ENDOV: variants seen among roughly 807,000 people sequenced by gnomAD.
ENDOV encodes endonuclease V, also known as hEndoV.
ENDOV carries 37 observed loss-of-function variants against 39.4 expected under a neutral mutation model. The ratio of observed to expected loss-of-function variants is 0.94; its 90% CI spans 0.72 to 1.23. The LOEUF is 1.23. Ranked by LOEUF, ENDOV falls within the 50% of genes most tolerant of loss-of-function variation. ENDOV has a pLI of 0.00. For synonymous variants in ENDOV, 186 were observed against 163.4 expected (o/e 1.14, Z -1.05); for missense variants, 441 against 375.7 (o/e 1.17, Z -1.44).
In ENDOV at chr17:80,415,255, T is replaced by C. The variant is rs1310715931; in HGVS notation, c.56+5T>C. On this transcript the variant is annotated splice_donor_5th_base_variant and intron_variant, in intron 1 of 9. Transcript: ENST00000518137. ...AACGCTGTCACTGTGGAAACGGTAA[T>C]GCTGTCAGGCGACGCGCAGGAGGCG... 1.9e-6 allele frequency: 3 copies of C among 1,613,298 alleles called. No homozygotes were observed. The highest frequency in any genetic ancestry group is 1.1e-5 in the South Asian group (1 of 91,052).
intron 4 of ENDOV, among the ~76,000 whole-genome samples, chr17:80,422,640 G>C (rs1167715326): frequency 6.6e-6 from 1 of 152,242 alleles, no homozygotes; most frequent in African/African-American, 2.4e-5. Context: ...CAACTAGACA[G>C]GTGTACCCAG....
intron 9 of ENDOV, chr17:80,430,466 C>T: frequency 9.3e-7 from 1 of 1,080,294 alleles, no homozygotes; most frequent in Non-Finnish European, 1.3e-6. Context: ...GGTCCTCAGC[C>T]CCAGCCACAC....
In ENDOV at chr17:80,422,354, A is replaced by G. The variant is rs1163533747; in HGVS notation, c.403+109A>G. Reference sequence around the variant, plus strand: ...TGCTGGGCCCTCGGCCTCTGCCGCCAGCCCCCTCCAATGGCTTCTTTCTCG... The same window carrying G: ...TGCTGGGCCCTCGGCCTCTGCCGCCGGCCCCCTCCAATGGCTTCTTTCTCG... On this transcript the variant is annotated intron_variant, in intron 4 of 9. Coordinates refer to ENST00000518137, the MANE Select transcript of ENDOV (RefSeq NM_173627.5). 5.2e-6 allele frequency: 7 copies of G among 1,346,126 alleles called. No homozygotes were observed. The African/African-American group carries it at 7.2e-5, about 14-fold the overall frequency. 83.4% of individuals were successfully genotyped at this position (1,346,126 alleles called of 1,614,324 possible).
At chr17:80,423,498 CA>C in intron 4 of ENDOV, 21 bp from the exon 5 acceptor site, 5 of 1,541,352 alleles carry the variant, frequency 3.2e-6, no homozygotes, top group East Asian at 2.5e-5. Context: ...TCCCCAACCC[CA>C]CCCTCCTTTC....
chr17:80,436,067 C>T, intron 9 of ENDOV, 66 bp from the exon 10 acceptor site: 2 of 1,573,982 alleles, frequency 1.3e-6, no homozygotes, highest in Non-Finnish European at 1.7e-6. Context: ...TTTCCACTTC[C>T]TCCTTTCCAC....
chr17:80,417,474 G>C (rs1202249208), intron 2 of ENDOV: 1 of 152,222 alleles, frequency 6.6e-6, no homozygotes, highest in Non-Finnish European at 1.5e-5. Context: ...ACCCACAGCA[G>C]GAATTTATTT....
rs757559319 is a variant in ENDOV at position 80,415,737 on chromosome 17, CG to C, written c.149del (p.Gly50AlafsTer7). 3 of 1,607,726 alleles carry C rather than the reference CG, an allele frequency of 1.9e-6. No individual in the cohort carries two copies. The highest frequency in any genetic ancestry group is 2.5e-6 in the Non-Finnish European group (3 of 1,177,326). On this transcript the variant is annotated frameshift_variant, in exon 2 of 10. Transcript: ENST00000518137. LOFTEE classifies it high-confidence loss of function. ...DPAFSGLQRV[G>X]GVDVSFVKGD... ...CCGCCTTCTCGGGTCTGCAGAGGGT[CG>C]GGGGCGTTGACGTGTCCTTCGTGAA...
At chr17:80,428,683 G>A (rs1253640427) in intron 8 of ENDOV, 23 bp downstream of exon 8, 4 of 1,561,142 alleles carry the variant, frequency 2.6e-6, no homozygotes, top group Middle Eastern at 1.7e-4. Flanking sequence ...GGAGGCTGGG[G>A]CACTAAAGGG....
chr17:80,433,081 C>T, intron 9 of ENDOV: 1 of 519,814 alleles, frequency 1.9e-6, no homozygotes, highest in Non-Finnish European at 3.8e-6. Context: ...AGAATGCCCT[C>T]CTGACTTCTA....
intron 9 of ENDOV, 167 bp downstream of exon 9, chr17:80,429,998 G>A (rs1327557038): frequency 1.9e-6 from 3 of 1,539,084 alleles, no homozygotes; most frequent in Non-Finnish European, 2.6e-6. Context: ...GACCACCCCT[G>A]GGGGTGGTCT....
In ENDOV at chr17:80,437,628, G is replaced by C. The variant is rs907680841; in HGVS notation, c.*1485G>C. The C allele has an allele frequency of 6.6e-6, 1 of 152,410 alleles. No homozygotes were observed. The highest frequency in any genetic ancestry group is 1.5e-5 in the Non-Finnish European group (1 of 68,068). The allele number at this position is 152,410 out of a possible 1,614,324, so 9.4% of individuals were successfully genotyped here. On this transcript the variant is annotated 3_prime_UTR_variant, in exon 10 of 10. Transcript: ENST00000518137. The stretch of plus-strand genomic sequence containing the variant: ...ACATGAGGAGAGGCAGGGCGTGTCA[G>C]CAGCAAACCTAAGTGTGTGCTCATT...
At chr17:80,415,868 C>G in intron 2 of ENDOV, 47 bp downstream of exon 2, 4 of 1,549,158 alleles carry the variant, frequency 2.6e-6, no homozygotes, top group East Asian at 2.4e-5. Flanking sequence ...TCGGTGGGCT[C>G]GGGCGTGCGG....
In ENDOV at chr17:80,425,206, C is replaced by G. The variant is rs41299834; in HGVS notation, c.585+106C>G. On this transcript the variant is annotated intron_variant, in intron 6 of 9. Coordinates refer to ENST00000518137, the MANE Select transcript of ENDOV (RefSeq NM_173627.5). ...CGCGTGCACTCACACTTGCCCACAT[C>G]AACCCCCCGCCTGCCCGTCCATCCA... 3.8e-4 allele frequency: 375 copies of G among 996,650 alleles called. 3 individuals are homozygous for G. The East Asian group carries it at 8.8e-3, about 23-fold the overall frequency. The allele number at this position is 996,650 out of a possible 1,614,324, so 61.7% of individuals were successfully genotyped here.
chr17:80,423,958 C>T (rs2082374266), intron 5 of ENDOV: 2 of 377,184 alleles, frequency 5.3e-6, no homozygotes, highest in Non-Finnish European at 9.4e-6. Context: ...GTCCCGGGCG[C>T]ACTTGGTGCT....
rs1381252114 is a variant in ENDOV at position 80,419,523 on chromosome 17, T to A, written c.229-2305T>A. 4 of 693,920 alleles carry A rather than the reference T, an allele frequency of 5.8e-6. No homozygotes were observed. In the Admixed American group the frequency reaches 8.0e-5, roughly 14 times the overall value. 43.0% of individuals were successfully genotyped at this position (693,920 alleles called of 1,614,324 possible). Reference sequence around the variant, plus strand: ...CTGTTGTGTGCTGGACGCTGAGCAATGGCTAGTGTGTTCTGCTCCGCAGGG... The same window carrying A: ...CTGTTGTGTGCTGGACGCTGAGCAAAGGCTAGTGTGTTCTGCTCCGCAGGG... On this transcript the variant is annotated intron_variant, in intron 2 of 9. Transcript: ENST00000518137.
intron 2 of ENDOV, among the ~76,000 whole-genome samples, chr17:80,419,229 T>C (rs1231484432): frequency 2.0e-5 from 3 of 148,856 alleles, no homozygotes; most frequent in African/African-American, 5.0e-5. Context: ...GGGGAAAAAC[T>C]CTCCCAGAGT....
chr17:80,427,095 C>T (rs2082786067), intron 7 of ENDOV, among the ~76,000 whole-genome samples: 1 of 152,264 alleles, frequency 6.6e-6, no homozygotes, highest in Non-Finnish European at 1.5e-5. Flanking sequence ...TGGCCCTCGC[C>T]CTGGGGAGCT....
At chr17:80,435,427 A>G (rs184067615) in intron 9 of ENDOV, among the ~76,000 whole-genome samples, 133 of 152,294 alleles carry the variant, frequency 8.7e-4, no homozygotes, top group African/African-American at 3.1e-3. Flanking sequence ...GTCCCATGTC[A>G]TACCTGTGAG....
intron 7 of ENDOV, chr17:80,427,801 G>C (rs1430644624): frequency 1.6e-6 from 2 of 1,288,888 alleles, no homozygotes; most frequent in East Asian, 1.1e-4. Context: ...GCTCCTGGTT[G>C]CCAGGTCCAG....
Sources: allele counts gnomAD v4.1 joint callset (sites outside exome capture counted in the v4.1 genomes callset), GRCh38; gene constraint gnomAD v4.1.1; transcripts MANE v1.5; gene names NCBI Gene and HGNC (gene_info 2026-07-23, HGNC 2026-07-21).